The following TRPM1 variants were observed in gnomAD, a reference collection of about 807,000 sequenced individuals.
TRPM1 encodes TRPM1-203 APA Isoform, Intron 10.
TRPM1 carries 113 observed loss-of-function variants against 149.4 expected under a neutral mutation model. The ratio of observed to expected loss-of-function variants is 0.76; its 90% CI spans 0.65 to 0.88. The LOEUF is 0.88. Ranked by LOEUF, TRPM1 falls within the 40% of genes least tolerant of loss-of-function variation. The probability of loss-of-function intolerance (pLI) is 0.00; values close to 1 mark genes in which losing one functional copy is unlikely to be tolerated. For synonymous variants in TRPM1, 741 were observed against 759.5 expected (o/e 0.98, Z 0.40); for missense variants, 1,976 against 2,038.7 (o/e 0.97, Z 0.59).
In TRPM1 at chr15:31,093,210, G is replaced by A. The variant is rs1001223800; in HGVS notation, c.-84+8447C>T. 2.0e-4 allele frequency among the ~76,000 whole-genome samples: 26 copies of A among 132,908 alleles called. 1 individual carries two copies. In the East Asian group the frequency reaches 2.4e-3, roughly 13 times the overall value. 87.2% of individuals were successfully genotyped at this position (132,908 alleles called of 152,430 possible). ...TGGGAGGCAGAGGTTGCACTAAGCTGAGATTATGACACTGCACTCCAGCCT... is the reference window on the plus strand; with the variant it reads ...TGGGAGGCAGAGGTTGCACTAAGCTAAGATTATGACACTGCACTCCAGCCT... On this transcript the variant is annotated intron_variant, in intron 1 of 27. Coordinates refer to ENST00000256552, the MANE Select transcript of TRPM1 (RefSeq NM_001252024.2).
In TRPM1 at chr15:31,139,506, G is replaced by A. The variant is rs368089223; in HGVS notation, c.54+21400C>T. 1.2e-4 allele frequency among the ~76,000 whole-genome samples: 18 copies of A among 152,288 alleles called. No homozygotes were observed. The South Asian group carries it at 3.1e-3, about 26-fold the overall frequency. Reference sequence around the variant, plus strand: ...TATATGTGTTATGTATATGTGATGTGTCTCTACCAAAATATAAGAAAGAGT... The same window carrying A: ...TATATGTGTTATGTATATGTGATGTATCTCTACCAAAATATAAGAAAGAGT... On this transcript the variant is annotated intron_variant, in intron 1 of 26. Transcript: ENST00000542188.
rs115423851 is a variant in TRPM1 at position 31,160,586 on chromosome 15, A to G, written c.54+320T>C. Among the ~76,000 whole-genome samples the G allele has an allele frequency of 7.2e-3, 1,103 of 152,286 alleles. 16 individuals are homozygous for G. The highest frequency in any genetic ancestry group is 0.024 in the African/African-American group (996 of 41,548). On this transcript the variant is annotated intron_variant, in intron 1 of 26. Coordinates refer to the TRPM1 transcript ENST00000542188. ...ACCACCCTCGTGGGGAAAGCAAGAGATGCAAAACTCCGCAACTGCTGACTC... is the reference window on the plus strand; with the variant it reads ...ACCACCCTCGTGGGGAAAGCAAGAGGTGCAAAACTCCGCAACTGCTGACTC...
intron 12 of TRPM1, among the ~76,000 whole-genome samples, chr15:31,049,915 G>C (rs763162945): frequency 2.0e-5 from 3 of 152,208 alleles, no homozygotes; most frequent in African/African-American, 4.8e-5. Context: ...CGTCACCACA[G>C]AGGCCTGGTC....
chr15:31,037,640 T>G, intron 20 of TRPM1, 71 bp downstream of exon 20: 1 of 1,607,630 alleles, frequency 6.2e-7, no homozygotes, highest in Non-Finnish European at 8.5e-7. Context: ...GCCCTTGAAG[T>G]TTTTCTTGAT....
At chr15:31,113,094 G>C (rs1317136040) in intron 1 of TRPM1, among the ~76,000 whole-genome samples, 1 of 152,144 alleles carries the variant, frequency 6.6e-6, no homozygotes, top group Non-Finnish European at 1.5e-5. Flanking sequence ...CCCCTGTCCA[G>C]GGCTGCTGTC....
At chr15:31,048,788 G>C (rs1265833592) in intron 13 of TRPM1, among the ~76,000 whole-genome samples, 1 of 151,976 alleles carries the variant, frequency 6.6e-6, no homozygotes, top group Non-Finnish European at 1.5e-5. Flanking sequence ...CCCCAGCCTG[G>C]GCAACAAGAG....
At chr15:31,072,758 C>T (rs2034593774) in intron 3 of TRPM1, among the ~76,000 whole-genome samples, 1 of 152,072 alleles carries the variant, frequency 6.6e-6, no homozygotes, top group Non-Finnish European at 1.5e-5. Flanking sequence ...ATTTGCATTT[C>T]CCTGAAGAAT....
At chr15:31,058,392 C>G (rs1000425507) in intron 11 of TRPM1, among the ~76,000 whole-genome samples, 3 of 152,134 alleles carry the variant, frequency 2.0e-5, no homozygotes, top group Non-Finnish European at 4.4e-5. Flanking sequence ...TTTGTGTGAG[C>G]CAGATAAATG....
intron 27 of TRPM1, among the ~76,000 whole-genome samples, chr15:31,005,256 C>T (rs945608383): frequency 1.3e-5 from 2 of 152,022 alleles, no homozygotes; most frequent in Non-Finnish European, 2.9e-5. Context: ...GAGATATTGC[C>T]GCTGTGCAAA....
chr15:31,152,400 T>A (rs2141063111), intron 1 of TRPM1, among the ~76,000 whole-genome samples: 1 of 152,308 alleles, frequency 6.6e-6, no homozygotes, highest in South Asian at 2.1e-4. Flanking sequence ...AAGATGCTCC[T>A]GTGGAAGTGG....
At chr15:31,023,741 A>G (rs2032626309) in intron 27 of TRPM1, among the ~76,000 whole-genome samples, 1 of 152,174 alleles carries the variant, frequency 6.6e-6, no homozygotes, top group Non-Finnish European at 1.5e-5. Flanking sequence ...GTTTGGGAGG[A>G]GAACCCTGAG....
At chr15:31,092,628 C>T (rs187995770) in intron 1 of TRPM1, among the ~76,000 whole-genome samples, 1 of 152,356 alleles carries the variant, frequency 6.6e-6, no homozygotes, top group East Asian at 1.9e-4. Flanking sequence ...ATATCCTCCA[C>T]AGCCCAGCAC....
intron 20 of TRPM1, 65 bp downstream of exon 20, chr15:31,037,646 T>C: frequency 6.2e-7 from 1 of 1,611,318 alleles, no homozygotes; most frequent in South Asian, 1.1e-5. Context: ...GAAGTTTTTC[T>C]TGATTCCAAC....
At chr15:31,139,751 C>T (rs73377624) in intron 1 of TRPM1, among the ~76,000 whole-genome samples, 5,984 of 152,254 alleles carry the variant, frequency 0.039, 385 homozygotes, top group African/African-American at 0.14. Flanking sequence ...CTGTCTATCA[C>T]TTGCGTGCTG....
At chr15:31,089,668 C>T (rs761516218) in intron 1 of TRPM1, among the ~76,000 whole-genome samples, 1 of 152,228 alleles carries the variant, frequency 6.6e-6, no homozygotes, top group Non-Finnish European at 1.5e-5. Context: ...TGGGACGGTT[C>T]ACCCTATGAT....
intron 1 of TRPM1, among the ~76,000 whole-genome samples, chr15:31,135,827 G>A (rs2036080648): frequency 6.6e-6 from 1 of 152,132 alleles, no homozygotes; most frequent in African/African-American, 2.4e-5. Context: ...CACCATGAGT[G>A]GAGGCAGCCT....
At chr15:31,083,135 G>A (rs780233144) in intron 1 of TRPM1, among the ~76,000 whole-genome samples, 6 of 152,060 alleles carry the variant, frequency 3.9e-5, no homozygotes, top group African/African-American at 9.7e-5. Context: ...GTGTACTGCC[G>A]GGCGAGGCTC....
intron 11 of TRPM1, among the ~76,000 whole-genome samples, chr15:31,059,008 G>A (rs544230406): frequency 2.9e-4 from 44 of 152,250 alleles, no homozygotes; most frequent in African/African-American, 8.7e-4. Flanking sequence ...GCTTGAATCC[G>A]GGATGCAGAG....
intron 1 of TRPM1, among the ~76,000 whole-genome samples, chr15:31,131,391 C>A (rs752043613): frequency 6.6e-6 from 1 of 152,070 alleles, no homozygotes; most frequent in South Asian, 2.1e-4. Context: ...GCTTAGTTTG[C>A]TAAGATCTAC....
Sources: gnomAD v4.1 joint callset for allele counts (sites outside exome capture counted in the v4.1 genomes callset) on GRCh38, gnomAD v4.1.1 for gene constraint, MANE v1.5 for transcripts, NCBI Gene and HGNC (gene_info 2026-07-23, HGNC 2026-07-21) for gene names.